Variants in FOCAD observed in about 807,000 individuals in gnomAD.
The protein encoded by FOCAD is KIAA1797.
In FOCAD, 198 loss-of-function variants were observed where a neutral mutation model predicts 225.6. The observed-to-expected ratio is 0.88, with a 90% CI of 0.78 to 0.99. The LOEUF is 0.99. FOCAD is among the 50% of genes least tolerant of loss of function. FOCAD has a pLI of 0.00. For synonymous variants in FOCAD, 897 were observed against 755.0 expected, an observed-to-expected ratio of 1.19 and a Z score of -3.08; for missense variants, 2,713 against 2,123.6, an observed-to-expected ratio of 1.28 and a Z score of -5.46.
At chr9:20,827,754 G>T (rs949787010) in intron 15 of FOCAD, among the ~76,000 whole-genome samples, 2 of 152,008 alleles carry the variant, frequency 1.3e-5, no homozygotes, top group Non-Finnish European at 2.9e-5. Context: ...AGAGGGAAGA[G>T]GAAATAGGAG....
rs772501625 is a variant in FOCAD at position 20,789,522 on chromosome 9, G to T, written c.1369G>T (p.Ala457Ser). The T allele has an allele frequency of 1.2e-5, 19 of 1,613,796 alleles. No homozygotes were observed. The highest frequency in any genetic ancestry group is 1.5e-5 in the Non-Finnish European group (18 of 1,179,996). The change falls in exon 11 of 44, where the codon GCT becomes TCT. Residue 457 changes from alanine to serine, a missense_variant. By Grantham distance (99) the Ala-to-Ser change is moderately conservative (BLOSUM62 1). Coordinates refer to ENST00000338382, the MANE Select transcript of FOCAD (RefSeq NM_001375567.1). ...CCCTGCGCCTGCCTTTCTTCTGCTG[G>T]CTCACCTCCTTGTTGAAGACAAAGG... ...VIPAPAFLLL[A>S]HLLVEDKGQN...
At position 20,862,685 on chromosome 9, in the gene FOCAD, C is replaced by T. The variant is rs569807234; in HGVS notation, c.2028C>T (p.Ser676=). The change falls in exon 16 of 44, where the codon TCC becomes TCT. Residue 676 remains serine, a synonymous_variant. Transcript: ENST00000338382. ...TLSELFSLVP[S]LTVNTTEYEN... ...GTGAACTATTTTCTCTAGTTCCTTC[C>T]TTAACGGTCAATACAACTGAATATG... 25 of 1,612,880 alleles carry T rather than the reference C, an allele frequency of 1.6e-5. No individual in the cohort carries two copies. In the South Asian group the frequency reaches 2.6e-4, roughly 17 times the overall value.
rs2383153 is a variant in FOCAD at position 20,862,356 on chromosome 9, G to A, written c.1921-222G>A. On this transcript the variant is annotated intron_variant, in intron 15 of 43. Coordinates refer to ENST00000338382, the MANE Select transcript of FOCAD (RefSeq NM_001375567.1). Reference sequence around the variant, plus strand: ...GTTATTTACTTGGTTAACTAAAAACGAAGTAGTAAAAAAGCAATTGTGTGA... The same window carrying A: ...GTTATTTACTTGGTTAACTAAAAACAAAGTAGTAAAAAAGCAATTGTGTGA... Among the ~76,000 whole-genome samples, 125,372 of 152,002 alleles carry A rather than the reference G, an allele frequency of 0.82. 51,846 individuals carry two copies. Among genetic ancestry groups the A allele is most frequent in the Admixed American group, 0.88 (13,465 of 15,262 alleles).
chr9:20,701,980 AG>A (rs1164124381), intron 1 of FOCAD, among the ~76,000 whole-genome samples: 4 of 152,216 alleles, frequency 2.6e-5, no homozygotes, highest in African/African-American at 9.6e-5. Flanking sequence ...ACAAGGTATT[AG>A]ATTCAGACTC....
chr9:20,663,174 G>C (rs922521434), intron 2 of FOCAD, among the ~76,000 whole-genome samples: 3 of 151,984 alleles, frequency 2.0e-5, no homozygotes, highest in Non-Finnish European at 4.4e-5. Context: ...ATTGCTTAAA[G>C]TTAGGAGTTT....
Position 20,819,872 on chromosome 9 carries a change from A to G in FOCAD, c.1532A>G (p.Tyr511Cys), listed in dbSNP as rs757691743. ...CCTATATTATATAATGATATATTGT[A>G]TACTTTACCTAAGCTTGGTGTTCAC... ...LEPILYNDIL[Y>C]TLPKLGVHKV... The change falls in exon 12 of 44, where the codon TAT becomes TGT. Residue 511 changes from tyrosine (Y) to cysteine (C), a missense_variant. Coordinates refer to ENST00000338382, the MANE Select transcript of FOCAD (RefSeq NM_001375567.1). 48 of 1,550,030 alleles carry G rather than the reference A, an allele frequency of 3.1e-5. No individual in the cohort carries two copies. The highest frequency in any genetic ancestry group is 3.4e-4 in the Middle Eastern group (2 of 5,818).
At position 20,786,877 on chromosome 9, in the gene FOCAD, T is replaced by C. The variant is rs1490302421; in HGVS notation, c.1198-2474T>C. 2.7e-5 allele frequency: 7 copies of C among 254,804 alleles called. 1 individual carries two copies. Among genetic ancestry groups the C allele is most frequent in the Admixed American group, 4.5e-5 (1 of 22,202 alleles). 15.8% of individuals were successfully genotyped at this position (254,804 alleles called of 1,614,324 possible). Reference sequence around the variant, plus strand: ...TTATTGATATATAATTCACATAACATAAACCTTTTATTTTTAAACACCTAC... The same window carrying C: ...TTATTGATATATAATTCACATAACACAAACCTTTTATTTTTAAACACCTAC... On this transcript the variant is annotated intron_variant, in intron 10 of 43. Coordinates refer to ENST00000338382, the MANE Select transcript of FOCAD (RefSeq NM_001375567.1).
intron 26 of FOCAD, chr9:20,928,991 G>GT (rs942045613): frequency 4.1e-3 from 617 of 151,024 alleles, no homozygotes; most frequent in Middle Eastern, 6.6e-3. Context: ...GATAGCTTCA[G>GT]TTTTTTTTTT....
At chr9:20,797,343 A>G (rs1821232941) in intron 11 of FOCAD, among the ~76,000 whole-genome samples, 1 of 152,166 alleles carries the variant, frequency 6.6e-6, no homozygotes, top group African/African-American at 2.4e-5. Flanking sequence ...GTTTTTTCCA[A>G]TTCTGTGAAG....
rs533574306 is a variant in FOCAD at position 20,768,995 on chromosome 9, G to A, written c.700-1037G>A. On this transcript the variant is annotated intron_variant, in intron 7 of 43. Transcript: ENST00000338382. ...TTTTTTGTTATGGAAAATTAGAAAT[G>A]TACACATAAATGCACTCAAGGAAAT... is the stretch of plus-strand genomic sequence containing the variant. Among the ~76,000 whole-genome samples the A allele has an allele frequency of 2.6e-5, 4 of 152,168 alleles. No homozygotes were observed. In the East Asian group the frequency reaches 5.8e-4, roughly 22 times the overall value.
At chr9:20,862,334 A>T (rs1470660855) in intron 15 of FOCAD, among the ~76,000 whole-genome samples, 1 of 151,994 alleles carries the variant, frequency 6.6e-6, no homozygotes, top group African/African-American at 2.4e-5. Flanking sequence ...GGAGAGAGTT[A>T]TTTACTTGGT....
chr9:20,790,019 A>T (rs60841575), intron 11 of FOCAD, among the ~76,000 whole-genome samples: 27,676 of 152,188 alleles, frequency 0.18, 3,068 homozygotes, highest in Non-Finnish European at 0.25. Context: ...ATAGACATTA[A>T]TATCTTTTTA....
chr9:20,858,705 C>T (rs1168726367), intron 15 of FOCAD, among the ~76,000 whole-genome samples: 2 of 152,020 alleles, frequency 1.3e-5, no homozygotes, highest in African/African-American at 4.8e-5. Context: ...AGTTTTTCTA[C>T]TTTATTGATG....
intron 4 of FOCAD, among the ~76,000 whole-genome samples, chr9:20,733,647 A>G (rs1427774840): frequency 6.6e-6 from 1 of 151,996 alleles, no homozygotes; most frequent in Non-Finnish European, 1.5e-5. Flanking sequence ...GAGAATGATG[A>G]TTTCCAGTTT....
chr9:20,934,359 G>C (rs1372723277), intron 28 of FOCAD, among the ~76,000 whole-genome samples: 2 of 152,098 alleles, frequency 1.3e-5, no homozygotes, highest in African/African-American at 4.8e-5. Context: ...TTAAGTCCTT[G>C]AGCCATCTTG....
At chr9:20,984,410 G>T (rs1177830527) in intron 39 of FOCAD, among the ~76,000 whole-genome samples, 1 of 151,862 alleles carries the variant, frequency 6.6e-6, no homozygotes. Context: ...TAATTATAAG[G>T]GTCATATCTG....
intron 4 of FOCAD, among the ~76,000 whole-genome samples, chr9:20,727,720 A>T (rs751110634): frequency 6.6e-6 from 1 of 152,212 alleles, no homozygotes; most frequent in African/African-American, 2.4e-5. Flanking sequence ...CTGATGACTT[A>T]CTATGCTTAA....
At chr9:20,921,542 T>C (rs770907719) in intron 24 of FOCAD, among the ~76,000 whole-genome samples, 9 of 152,210 alleles carry the variant, frequency 5.9e-5, no homozygotes, top group Non-Finnish European at 1.3e-4. Context: ...CATAAGTCAT[T>C]GTGGCAGGCA....
At chr9:20,711,352 G>C (rs943334401) in intron 1 of FOCAD, among the ~76,000 whole-genome samples, 2 of 152,146 alleles carry the variant, frequency 1.3e-5, no homozygotes, top group Non-Finnish European at 2.9e-5. Context: ...TAAGACTGTT[G>C]ATAGGAAGGC....
Sources: gnomAD v4.1 joint callset for allele counts (sites outside exome capture counted in the v4.1 genomes callset) on GRCh38, gnomAD v4.1.1 for gene constraint, MANE v1.5 for transcripts, NCBI Gene and HGNC (gene_info 2026-07-23, HGNC 2026-07-21) for gene names.